MAMDC2: variants seen among roughly 807,000 people sequenced by gnomAD.
The protein encoded by MAMDC2 is MAM domain containing 2.
MAMDC2 carries 57 observed loss-of-function variants against 89.8 expected under a neutral mutation model. The observed-to-expected ratio is 0.63, with a 90% confidence interval of 0.51 to 0.79. The LOEUF is 0.79. MAMDC2 is among the 30% of genes least tolerant of loss of function. The pLI is 0.00. For synonymous variants in MAMDC2, 313 were observed against 293.4 expected (o/e 1.07, Z -0.68); for missense variants, 800 against 820.6 (o/e 0.97, Z 0.31).
At chr9:70,113,554 G>A (rs1338189950) in intron 5 of MAMDC2, among the ~76,000 whole-genome samples, 6 of 152,224 alleles carry the variant, frequency 3.9e-5, no homozygotes, top group Non-Finnish European at 7.3e-5. Context: ...CCAAGTGACA[G>A]TGAGGTGAGC....
intron 9 of MAMDC2, among the ~76,000 whole-genome samples, chr9:70,145,416 C>T (rs2031370781): frequency 6.6e-6 from 1 of 152,216 alleles, no homozygotes; most frequent in Non-Finnish European, 1.5e-5. Flanking sequence ...ACTCTTGCAG[C>T]AGCATTATTG....
intron 6 of MAMDC2, among the ~76,000 whole-genome samples, chr9:70,127,978 A>T (rs1260210861): frequency 6.6e-6 from 1 of 152,198 alleles, no homozygotes; most frequent in African/African-American, 2.4e-5. Context: ...CTGAATTTTT[A>T]AAAATCAATA....
rs528635436 is a variant in MAMDC2 at position 70,218,882 on chromosome 9, A to G, written c.1911+286A>G. ...CATTATGGGTGTCAAGTATATTTCT[A>G]TGTATCATGCATATCTCCAAAACGA... is the stretch of plus-strand genomic sequence containing the variant. On this transcript the variant is annotated intron_variant, in intron 12 of 13. Coordinates refer to ENST00000377182, the MANE Select transcript of MAMDC2 (RefSeq NM_153267.5). Among the ~76,000 whole-genome samples the G allele has an allele frequency of 1.1e-4, 17 of 152,300 alleles. No homozygotes were observed. The East Asian group carries it at 3.3e-3, about 29-fold the overall frequency.
intron 2 of MAMDC2, among the ~76,000 whole-genome samples, chr9:70,050,402 C>T (rs997164375): frequency 3.9e-5 from 6 of 152,182 alleles, no homozygotes; most frequent in African/African-American, 9.7e-5. Flanking sequence ...GCTTAAGCCT[C>T]GTGGTTAGTA....
At chr9:70,151,254 T>C (rs2118449457) in intron 9 of MAMDC2, among the ~76,000 whole-genome samples, 1 of 152,354 alleles carries the variant, frequency 6.6e-6, no homozygotes, top group Non-Finnish European at 1.5e-5. Context: ...ACTTTCCTCA[T>C]ACCCAGATTA....
Position 70,069,319 on chromosome 9 carries a change from A to G in MAMDC2, c.148+24622A>G, listed in dbSNP as rs188552991. ...CCACATGATTATTAATAGTAATTAT[A>G]TTTATTATAGCCACAGGTATTTTAA... is the stretch of plus-strand genomic sequence containing the variant. On this transcript the variant is annotated intron_variant, in intron 2 of 13. Transcript: ENST00000377182. 5.9e-5 allele frequency among the ~76,000 whole-genome samples: 9 copies of G among 152,318 alleles called. No individual in the cohort carries two copies. The South Asian group carries it at 1.7e-3, about 28-fold the overall frequency.
chr9:70,218,044 T>C (rs2033482120), intron 11 of MAMDC2, among the ~76,000 whole-genome samples: 1 of 152,226 alleles, frequency 6.6e-6, no homozygotes, highest in African/African-American at 2.4e-5. Context: ...GAATAAGTAA[T>C]ATAAATTCTG....
intron 9 of MAMDC2, among the ~76,000 whole-genome samples, chr9:70,146,741 T>C (rs2031416235): frequency 6.6e-6 from 1 of 151,894 alleles, no homozygotes; most frequent in Non-Finnish European, 1.5e-5. Context: ...GAGACCAGCC[T>C]GGCCAACACG....
Position 70,143,608 on chromosome 9 carries a change from G to A in MAMDC2, c.1193G>A (p.Arg398Lys). 6.2e-7 allele frequency: 1 copy of A among 1,614,128 alleles called. No individual in the cohort carries two copies. Among genetic ancestry groups the A allele is most frequent in the Non-Finnish European group, 8.5e-7 (1 of 1,179,996 alleles). Reference protein sequence around the residue: ...KFTSQPGYIGRLYGPSLPGNL... With the variant: ...KFTSQPGYIGKLYGPSLPGNL... ...ACATCTCAGCCTGGCTACATTGGAAGGCTCTATGGGCCCTCCCTACCAGGA... is the reference window on the plus strand; with the variant it reads ...ACATCTCAGCCTGGCTACATTGGAAAGCTCTATGGGCCCTCCCTACCAGGA... The change falls in exon 9 of 14, where the codon AGG (arginine) becomes AAG (lysine). Residue 398 changes from arginine (R) to lysine (K), a missense_variant. Arg to Lys is a conservative substitution (Grantham distance 26). Coordinates refer to ENST00000377182, the MANE Select transcript of MAMDC2 (RefSeq NM_153267.5).
intron 12 of MAMDC2, among the ~76,000 whole-genome samples, chr9:70,224,756 G>A (rs938741446): frequency 3.3e-5 from 5 of 152,110 alleles, no homozygotes; most frequent in Admixed American, 6.6e-5. Flanking sequence ...CCAGCAATGT[G>A]GGTATCCCTT....
chr9:70,126,483 G>A (rs2030557286), intron 6 of MAMDC2, 68 bp downstream of exon 6: 10 of 1,507,516 alleles, frequency 6.6e-6, no homozygotes, highest in South Asian at 1.2e-5. Flanking sequence ...ACACAGGGCT[G>A]GAGATGGAGA....
At chr9:70,164,544 A>C (rs1192398325) in intron 9 of MAMDC2, among the ~76,000 whole-genome samples, 1 of 152,186 alleles carries the variant, frequency 6.6e-6, no homozygotes, top group Non-Finnish European at 1.5e-5. Context: ...GATTTACATA[A>C]ATTTAATTTG....
At chr9:70,160,318 A>C (rs969960540) in intron 9 of MAMDC2, among the ~76,000 whole-genome samples, 2 of 152,172 alleles carry the variant, frequency 1.3e-5, no homozygotes, top group African/African-American at 4.8e-5. Context: ...TCCTTCAGTG[A>C]TAATGAAAGC....
At chr9:70,207,119 C>G (rs2033243063) in intron 11 of MAMDC2, among the ~76,000 whole-genome samples, 1 of 152,120 alleles carries the variant, frequency 6.6e-6, no homozygotes, top group Non-Finnish European at 1.5e-5. Context: ...TAGCAGCATG[C>G]TTTATAATCC....
chr9:70,202,229 G>A (rs982741957), intron 11 of MAMDC2, among the ~76,000 whole-genome samples: 191 of 149,050 alleles, frequency 1.3e-3, no homozygotes, highest in African/African-American at 4.2e-3. Flanking sequence ...CTTTGAATGT[G>A]TCCCAGAGAT....
At chr9:70,059,653 G>A (rs1827102775) in intron 2 of MAMDC2, among the ~76,000 whole-genome samples, 1 of 152,198 alleles carries the variant, frequency 6.6e-6, no homozygotes, top group African/African-American at 2.4e-5. Context: ...CAGGTAGAGA[G>A]AAAGCTTCTG....
intron 9 of MAMDC2, among the ~76,000 whole-genome samples, chr9:70,165,114 T>A (rs1473659446): frequency 3.3e-5 from 5 of 152,130 alleles, no homozygotes; most frequent in Admixed American, 3.3e-4. Flanking sequence ...GATCTATAAA[T>A]AAGAGGTTAA....
intron 2 of MAMDC2, among the ~76,000 whole-genome samples, chr9:70,087,895 G>T (rs1827805479): frequency 6.6e-6 from 1 of 152,116 alleles, no homozygotes; most frequent in South Asian, 2.1e-4. Flanking sequence ...TCCCCAAACT[G>T]CTCTCTATTA....
chr9:70,184,778 C>A lies in MAMDC2; in HGVS notation c.1651+14147C>A, dbSNP rs145009711. On this transcript the variant is annotated intron_variant, in intron 11 of 13. Transcript: ENST00000377182. ...AACTGGTTATTCTAGTTAGCAGTTCCTGTAACCTTTTATCAAGGTTCTCGG... is the reference window on the plus strand; with the variant it reads ...AACTGGTTATTCTAGTTAGCAGTTCATGTAACCTTTTATCAAGGTTCTCGG... Among the ~76,000 whole-genome samples the A allele has an allele frequency of 3.8e-3, 575 of 152,152 alleles. 2 individuals carry two copies. Among genetic ancestry groups the A allele is most frequent in the African/African-American group, 0.013 (549 of 41,534 alleles).
Sources: gnomAD v4.1 joint callset for allele counts (sites outside exome capture counted in the v4.1 genomes callset) on GRCh38, gnomAD v4.1.1 for gene constraint, MANE v1.5 for transcripts, NCBI Gene and HGNC (gene_info 2026-07-23, HGNC 2026-07-21) for gene names.